The following RPTOR variants were observed in gnomAD, a reference collection of about 807,000 sequenced individuals.
RPTOR encodes regulatory associated protein of MTOR complex 1, also known as regulatory-associated protein of mTOR.
A neutral mutation model predicts 169.9 loss-of-function variants in RPTOR; 21 were observed. The ratio of observed to expected loss-of-function variants is 0.12; its 90% CI spans 0.09 to 0.18. RPTOR has a LOEUF of 0.18. RPTOR is among the 10% of genes least tolerant of loss of function. The pLI, the probability that RPTOR is intolerant of heterozygous loss-of-function variation, is 1.00. For synonymous variants in RPTOR, 732 were observed against 753.2 expected (o/e 0.97, Z 0.46); for missense variants, 1,133 against 1,855.9 (o/e 0.61, Z 7.16).
intron 1 of RPTOR, among the ~76,000 whole-genome samples, 171 bp from the exon 2 acceptor site, chr17:80,625,520 G>A (rs553506313): frequency 6.6e-6 from 1 of 152,200 alleles, no homozygotes. Flanking sequence ...AAAGAAGGGC[G>A]TTACTCCTGC....
At chr17:80,817,959 A>C (rs1270817349) in intron 7 of RPTOR, among the ~76,000 whole-genome samples, 4 of 152,166 alleles carry the variant, frequency 2.6e-5, no homozygotes. Flanking sequence ...TGCAGTAAGG[A>C]AGATAAATCC....
intron 5 of RPTOR, among the ~76,000 whole-genome samples, chr17:80,740,463 CAA>C (rs796753770): frequency 2.1e-4 from 32 of 151,486 alleles, no homozygotes; most frequent in African/African-American, 7.7e-4. Flanking sequence ...ACACACCGTT[CAA>C]AAAAAATAAA....
At chr17:80,589,129 A>G (rs548986264) in intron 1 of RPTOR, among the ~76,000 whole-genome samples, 10 of 152,318 alleles carry the variant, frequency 6.6e-5, no homozygotes, top group East Asian at 1.9e-4. Flanking sequence ...ACGCCAGTCT[A>G]TGGCCCATCC....
At chr17:80,642,073 TAAAA>T (rs1227083876) in intron 2 of RPTOR, among the ~76,000 whole-genome samples, 3 of 152,038 alleles carry the variant, frequency 2.0e-5, no homozygotes, top group Admixed American at 2.0e-4. Flanking sequence ...AGATTTCAAA[TAAAA>T]AAAATAAAAT....
chr17:80,917,593 G>A (rs1004456744), intron 21 of RPTOR, among the ~76,000 whole-genome samples: 1 of 152,212 alleles, frequency 6.6e-6, no homozygotes, highest in Non-Finnish European at 1.5e-5. Flanking sequence ...CTAGACCAAA[G>A]TAGTTCTGCA....
chr17:80,865,343 T>A (rs532545286), intron 13 of RPTOR, among the ~76,000 whole-genome samples: 1 of 152,140 alleles, frequency 6.6e-6, no homozygotes, highest in Non-Finnish European at 1.5e-5. Context: ...AACGCCACAA[T>A]GAGAAGGCAG....
intron 3 of RPTOR, among the ~76,000 whole-genome samples, chr17:80,683,186 C>T (rs144633372): frequency 0.014 from 2,092 of 152,316 alleles, 52 homozygotes; most frequent in African/African-American, 0.048. Context: ...GGACTACACA[C>T]GGCTTTTTGA....
Position 80,578,243 on chromosome 17 carries a change from G to T in RPTOR, c.162+32452G>T, listed in dbSNP as rs369196730. 4.6e-5 allele frequency among the ~76,000 whole-genome samples: 7 copies of T among 152,276 alleles called. No homozygotes were observed. In the South Asian group the frequency reaches 8.3e-4, roughly 18 times the overall value. On this transcript the variant is annotated intron_variant, in intron 1 of 33. Transcript: ENST00000306801. ...GGGGGTGGTACATTTCACTCCAGAT[G>T]TCAACAGTCATTGCGATGTTGGCAC...
intron 6 of RPTOR, among the ~76,000 whole-genome samples, chr17:80,787,516 C>G (rs917279324): frequency 5.3e-5 from 8 of 152,166 alleles, no homozygotes; most frequent in African/African-American, 1.9e-4. Flanking sequence ...TGAACACATG[C>G]AAGAATTTCT....
intron 3 of RPTOR, among the ~76,000 whole-genome samples, chr17:80,685,542 G>A (rs1026649316): frequency 7.1e-6 from 1 of 141,360 alleles, no homozygotes; most frequent in Non-Finnish European, 1.5e-5. Context: ...CCAAAGTGCT[G>A]GGATTACAGG....
intron 3 of RPTOR, among the ~76,000 whole-genome samples, chr17:80,664,548 A>T (rs1312142948): frequency 1.4e-5 from 2 of 146,034 alleles, no homozygotes; most frequent in African/African-American, 5.1e-5. Context: ...TCCTCACCCC[A>T]CTCTTCCCCC....
At chr17:80,668,875 T>A (rs2065800911) in intron 3 of RPTOR, among the ~76,000 whole-genome samples, 1 of 152,256 alleles carries the variant, frequency 6.6e-6, no homozygotes, top group Non-Finnish European at 1.5e-5. Context: ...GAAGAACAAC[T>A]GTTTTAAAGG....
Position 80,651,896 on chromosome 17 carries a change from TACTC to T in RPTOR, c.348+8088_348+8091del, listed in dbSNP as rs1567839819. Among the ~76,000 whole-genome samples the T allele has an allele frequency of 6.6e-6, 1 of 152,098 alleles. No individual in the cohort carries two copies. The highest frequency in any genetic ancestry group is 1.5e-5 in the Non-Finnish European group (1 of 68,016). Reference sequence around the variant, plus strand: ...GGCAGGTGCCTACTGTAGTCCCAGTTACTCAGGAGGCTGAGGCAGGAGAATGGCA... The same window carrying T: ...GGCAGGTGCCTACTGTAGTCCCAGTTAGGAGGCTGAGGCAGGAGAATGGCA... On this transcript the variant is annotated intron_variant, in intron 3 of 33. Coordinates refer to ENST00000306801, the MANE Select transcript of RPTOR (RefSeq NM_020761.3). This position sits in a 1 kb window ranked among gnomAD's most constrained non-coding sequence, Gnocchi z 4.1.
intron 3 of RPTOR, among the ~76,000 whole-genome samples, chr17:80,705,031 A>AG (rs1170432487): frequency 6.6e-6 from 1 of 152,218 alleles, no homozygotes; most frequent in Non-Finnish European, 1.5e-5. Flanking sequence ...GGAGCAGGTG[A>AG]CACGCTGCCT....
intron 18 of RPTOR, 94 bp from the exon 19 acceptor site, chr17:80,892,635 G>A: frequency 1.4e-6 from 2 of 1,399,730 alleles, no homozygotes; most frequent in Non-Finnish European, 9.9e-7. Flanking sequence ...GGTAGCAGCT[G>A]CCGTCACCGA....
At chr17:80,883,516 C>T (rs1026844882) in intron 15 of RPTOR, 32 bp downstream of exon 15, 12 of 1,606,978 alleles carry the variant, frequency 7.5e-6, no homozygotes, top group African/African-American at 1.3e-5. Context: ...AGCCCCAGAG[C>T]TCACCCTTGG....
chr17:80,679,604 T>C (rs1318292016), intron 3 of RPTOR, among the ~76,000 whole-genome samples: 1 of 152,244 alleles, frequency 6.6e-6, no homozygotes, highest in African/African-American at 2.4e-5. Flanking sequence ...AAACTTTAAA[T>C]TTTTATTATT....
chr17:80,912,022 G>A (rs2068619043), intron 21 of RPTOR, among the ~76,000 whole-genome samples: 1 of 152,208 alleles, frequency 6.6e-6, no homozygotes, highest in Non-Finnish European at 1.5e-5. Flanking sequence ...GCCTGCTACG[G>A]ATTAGGGAAA....
chr17:80,958,192 A>AC (rs2069278828), intron 29 of RPTOR, among the ~76,000 whole-genome samples: 10 of 31,620 alleles, frequency 3.2e-4, no homozygotes, highest in Non-Finnish European at 5.5e-4. Context: ...TGATCCTCCC[A>AC]CCTCACCCCC....
Sources: allele counts gnomAD v4.1 joint callset (sites outside exome capture counted in the v4.1 genomes callset), GRCh38; gene constraint gnomAD v4.1.1; non-coding constraint Gnocchi (gnomAD v3.1); transcripts MANE v1.5; gene names NCBI Gene and HGNC (gene_info 2026-07-23, HGNC 2026-07-21).